The following MYH13 variants were observed in gnomAD, a reference collection of about 807,000 sequenced individuals.
The protein encoded by MYH13 is myosin heavy chain 13, also known as myosin-13.
In MYH13, 177 loss-of-function variants were observed where a neutral mutation model predicts 232.1. The observed-to-expected ratio is 0.76, with a 90% CI of 0.67 to 0.86. MYH13 has a LOEUF of 0.86. MYH13 is among the 40% of genes least tolerant of loss of function. MYH13 has a pLI of 0.00. For missense variants in MYH13, 2,246 were observed against 2,405.9 expected (o/e 0.93, Z 1.39); for synonymous variants, 884 against 923.5 (o/e 0.96, Z 0.78).
chr17:10,346,538 T>G, intron 13 of MYH13, 142 bp downstream of exon 13: 1 of 646,250 alleles, frequency 1.5e-6, no homozygotes, highest in South Asian at 2.1e-5. Context: ...TTCAGTTGCC[T>G]CTGAAGCCTA....
intron 37 of MYH13, among the ~76,000 whole-genome samples, chr17:10,305,932 A>G (rs1412078946): frequency 1.3e-5 from 2 of 152,188 alleles, no homozygotes; most frequent in Non-Finnish European, 2.9e-5. Flanking sequence ...TACCTGTGCC[A>G]GAATTGCAGC....
intron 40 of MYH13, among the ~76,000 whole-genome samples, chr17:10,301,252 G>A (rs1906078188): frequency 6.6e-6 from 1 of 152,154 alleles, no homozygotes. Context: ...GGAACCACAG[G>A]AGTCTTTGCT....
rs201854489 is a variant in MYH13 at position 10,355,090 on chromosome 17, C to T, written c.796G>A (p.Glu266Lys). The T allele has an allele frequency of 1.2e-5, 19 of 1,597,708 alleles. No homozygotes were observed. In the East Asian group the frequency reaches 1.8e-4, roughly 15 times the overall value. Residue 266 changes from glutamate to lysine, a missense_variant, in exon 9 of 41, where the codon GAA becomes AAA. Coordinates refer to ENST00000252172, the MANE Select transcript of MYH13 (RefSeq NM_003802.3). ...ATAGAGTGTTTGGACTCACAAGTTTCGATGTCTGCCGATGCCAGCTTTCCT... is the reference window on the plus strand; with the variant it reads ...ATAGAGTGTTTGGACTCACAAGTTTTGATGTCTGCCGATGCCAGCTTTCCT... ...ATGKLASADIETYLLEKSRVT... is the reference protein window; with the variant it reads ...ATGKLASADIKTYLLEKSRVT...
intron 15 of MYH13, among the ~76,000 whole-genome samples, chr17:10,344,682 G>A (rs796929343): frequency 7.9e-5 from 12 of 151,834 alleles, no homozygotes; most frequent in African/African-American, 2.2e-4. Flanking sequence ...TTATCTGGGC[G>A]TGGTGGCGGG....
chr17:10,364,345 G>A lies in MYH13; in HGVS notation c.186C>T (p.Val62=). 1 of 1,613,706 alleles carries A rather than the reference G, an allele frequency of 6.2e-7. No homozygotes were observed. Among genetic ancestry groups the A allele is most frequent in the Non-Finnish European group, 8.5e-7 (1 of 1,179,698 alleles). ...CACTCACCCGGTCATCGAGGGTCTT[G>A]ACTATGACTTTGTCATTTTCCCTAG... ...IQTRENDKVI[V]KTLDDRMLTL... The change falls in exon 3 of 41, where the codon GTC becomes GTT. Residue 62 remains valine, a synonymous_variant. Transcript: ENST00000252172.
At chr17:10,319,403 G>C (rs1299037513) in intron 26 of MYH13, among the ~76,000 whole-genome samples, 1 of 151,984 alleles carries the variant, frequency 6.6e-6, no homozygotes, top group Non-Finnish European at 1.5e-5. Flanking sequence ...CAGCTACTCG[G>C]GAGGCCGAGG....
Position 10,311,119 on chromosome 17 carries a change from G to A in MYH13, c.4640C>T (p.Ala1547Val). The change falls in exon 33 of 41, where the codon GCC becomes GTC. Residue 1547 changes from alanine to valine, a missense_variant. Transcript: ENST00000252172. ...VEQEKSDLQVALEEVEGSLEH... is the reference protein window; with the variant it reads ...VEQEKSDLQVVLEEVEGSLEH... Reference sequence around the variant, plus strand: ...GACACTTACCTCCACTTCTTCTAAGGCGACCTGCAGATCTGACTTTTCCTG... The same window carrying A: ...GACACTTACCTCCACTTCTTCTAAGACGACCTGCAGATCTGACTTTTCCTG... The A allele has an allele frequency of 6.2e-7, 1 of 1,613,918 alleles. No individual in the cohort carries two copies. The highest frequency in any genetic ancestry group is 8.5e-7 in the Non-Finnish European group (1 of 1,179,878).
At chr17:10,334,929 G>A (rs556668680) in intron 18 of MYH13, among the ~76,000 whole-genome samples, 3 of 151,580 alleles carry the variant, frequency 2.0e-5, no homozygotes, top group African/African-American at 4.8e-5. Flanking sequence ...TCATAGAACC[G>A]CCGATGTGGA....
intron 18 of MYH13, among the ~76,000 whole-genome samples, chr17:10,337,410 A>G (rs2071583148): frequency 6.6e-6 from 1 of 152,154 alleles, no homozygotes. Context: ...GCCCTTGTTC[A>G]GCAGGCGAGC....
At chr17:10,366,809 A>G (rs1406446824) in intron 2 of MYH13, among the ~76,000 whole-genome samples, 4 of 152,196 alleles carry the variant, frequency 2.6e-5, no homozygotes, top group Non-Finnish European at 5.9e-5. Context: ...GTAACTGGCC[A>G]TTGTTGAAAT....
intron 27 of MYH13, among the ~76,000 whole-genome samples, chr17:10,318,532 T>G (rs1206716986): frequency 6.6e-6 from 1 of 152,228 alleles, no homozygotes; most frequent in Non-Finnish European, 1.5e-5. Context: ...GATCTTGGAC[T>G]TCCCAGCCTC....
Position 10,303,411 on chromosome 17 carries a change from T to C in MYH13, c.5554A>G (p.Lys1852Glu). 6.2e-7 allele frequency: 1 copy of C among 1,613,968 alleles called. No individual in the cohort carries two copies. The highest frequency in any genetic ancestry group is 8.5e-7 in the Non-Finnish European group (1 of 1,179,870). Residue 1852 changes from lysine (K) to glutamate (E), a missense_variant, in exon 38 of 41, where the codon AAG becomes GAG. By Grantham distance (56) the Lys-to-Glu change is moderately conservative. Coordinates refer to ENST00000252172, the MANE Select transcript of MYH13 (RefSeq NM_003802.3). ...KGAHKYERKV[K>E]EMTYQAEEDH... ...ACCCCTACCTGGTAAGTCATCTCCT[T>C]GACTTTGCGTTCGTACTTGTGGGCT...
At chr17:10,338,572 C>T (rs1267380936) in intron 18 of MYH13, among the ~76,000 whole-genome samples, 1 of 151,982 alleles carries the variant, frequency 6.6e-6, no homozygotes. Context: ...ACTCATTGAA[C>T]CCTCACGACA....
chr17:10,324,780 T>TTTTTTTTTTTTTG (rs1555549978), intron 22 of MYH13: 1 of 128,618 alleles, frequency 7.8e-6, no homozygotes, highest in African/African-American at 2.7e-5. Context: ...TTTTTTTTTT[T>TTTTTTTTTTTTTG]AACTAGCAAG....
At chr17:10,322,782 C>CGT (rs1907014941) in intron 23 of MYH13, among the ~76,000 whole-genome samples, 1 of 151,922 alleles carries the variant, frequency 6.6e-6, no homozygotes, top group African/African-American at 2.4e-5. Flanking sequence ...TACAGGCGTC[C>CGT]GCCACCACGC....
chr17:10,367,093 T>C (rs2071843543), intron 2 of MYH13, among the ~76,000 whole-genome samples: 1 of 152,234 alleles, frequency 6.6e-6, no homozygotes. Flanking sequence ...CATGGCTTTC[T>C]TCTCTCATTT....
At chr17:10,332,983 G>A (rs1158529712) in intron 19 of MYH13, 91 bp downstream of exon 19, 3 of 1,021,050 alleles carry the variant, frequency 2.9e-6, no homozygotes, top group East Asian at 5.2e-5. Flanking sequence ...GGACTTGGGA[G>A]CTCACCAAAT....
chr17:10,311,668 C>T (rs901074270), intron 32 of MYH13, among the ~76,000 whole-genome samples: 5 of 152,164 alleles, frequency 3.3e-5, no homozygotes, highest in Non-Finnish European at 5.9e-5. Flanking sequence ...TCTTCTCTAA[C>T]GGAGCAGTGG....
intron 35 of MYH13, among the ~76,000 whole-genome samples, chr17:10,308,246 C>T (rs1906357939): frequency 6.6e-6 from 1 of 151,144 alleles, no homozygotes; most frequent in Admixed American, 6.6e-5. Context: ...ATCGCTTGAA[C>T]CTAGGAGGCA....
Sources: gnomAD v4.1 joint callset for allele counts (sites outside exome capture counted in the v4.1 genomes callset) on GRCh38, gnomAD v4.1.1 for gene constraint, MANE v1.5 for transcripts, NCBI Gene and HGNC (gene_info 2026-07-23, HGNC 2026-07-21) for gene names.